The following NAV2 variants were observed in gnomAD, a reference collection of about 807,000 sequenced individuals.
NAV2 encodes the protein neuron navigator 2, also known as helicase, APC down-regulated 1.
In NAV2, 54 loss-of-function variants were observed where a neutral mutation model predicts 223.2. The observed-to-expected ratio is 0.24, with a 90% CI of 0.19 to 0.30. The LOEUF (loss-of-function observed/expected upper bound fraction) is 0.30. Among genes scored for constraint, NAV2 ranks in the 10% least tolerant of loss-of-function variants. NAV2 has a pLI of 1.00. For synonymous variants in NAV2, 1,279 were observed against 1,239.3 expected (o/e 1.03, Z -0.67); for missense variants, 2,806 against 3,147.5 (o/e 0.89, Z 2.60).
chr11:19,997,327 G>A (rs577948408), intron 11 of NAV2, among the ~76,000 whole-genome samples: 1 of 152,284 alleles, frequency 6.6e-6, no homozygotes, highest in African/African-American at 2.4e-5. Context: ...TTGTGGAAGA[G>A]TTTTGTGGAG....
intron 6 of NAV2, among the ~76,000 whole-genome samples, chr11:19,901,944 C>T (rs2042478266): frequency 6.6e-6 from 1 of 152,108 alleles, no homozygotes; most frequent in African/African-American, 2.4e-5. Context: ...AATAGGGAAG[C>T]AGAGGGAATA....
chr11:19,568,590 C>T (rs2045336547), intron 1 of NAV2, among the ~76,000 whole-genome samples: 1 of 152,220 alleles, frequency 6.6e-6, no homozygotes, highest in Middle Eastern at 3.2e-3. Flanking sequence ...GTGTCAGACC[C>T]TGCTAAGCAC....
At chr11:19,907,528 G>GAC (rs869266481) in intron 6 of NAV2, among the ~76,000 whole-genome samples, 15 of 25,600 alleles carry the variant, frequency 5.9e-4, no homozygotes, top group African/African-American at 1.4e-3. Flanking sequence ...CACTCATAGG[G>GAC]GGAGGGGGAA....
Position 20,100,917 on chromosome 11 carries a change from C to T in NAV2, c.6182-20C>T, listed in dbSNP as rs759560344. The stretch of plus-strand genomic sequence containing the variant: ...CTTTTCTACAGGGCTTCAGATGATT[C>T]CTGTCTCTCTCAAATGCAGGGCTCG... On this transcript the variant is annotated intron_variant, in intron 31 of 37. Transcript: ENST00000349880. 3 of 1,606,576 alleles carry T rather than the reference C, an allele frequency of 1.9e-6. No individual in the cohort carries two copies. The highest frequency in any genetic ancestry group is 1.7e-6 in the Non-Finnish European group (2 of 1,173,286).
At chr11:19,870,712 G>T (rs1190117328) in intron 4 of NAV2, among the ~76,000 whole-genome samples, 2 of 152,220 alleles carry the variant, frequency 1.3e-5, no homozygotes, top group African/African-American at 4.8e-5. Flanking sequence ...CACAACTAAA[G>T]TTGGAGTTTA....
At chr11:19,541,445 G>A (rs556202130) in intron 1 of NAV2, among the ~76,000 whole-genome samples, 11 of 152,356 alleles carry the variant, frequency 7.2e-5, no homozygotes, top group East Asian at 3.9e-4. Flanking sequence ...AGATGAAGGC[G>A]TTGGGCCATG....
At chr11:19,842,576 C>T (rs2060568629) in intron 2 of NAV2, among the ~76,000 whole-genome samples, 1 of 152,110 alleles carries the variant, frequency 6.6e-6, no homozygotes, top group Admixed American at 6.5e-5. Context: ...ACAGCTAGCT[C>T]ACTCTCTTTC....
At chr11:19,848,379 C>T (rs1185838525) in intron 3 of NAV2, among the ~76,000 whole-genome samples, 4 of 152,280 alleles carry the variant, frequency 2.6e-5, no homozygotes, top group Admixed American at 6.5e-5. Context: ...GGAGATGCAG[C>T]GGGATGTAGC....
intron 8 of NAV2, among the ~76,000 whole-genome samples, chr11:19,946,069 C>A (rs1280167514): frequency 6.6e-6 from 1 of 152,174 alleles, no homozygotes; most frequent in African/African-American, 2.4e-5. Flanking sequence ...AAAATGACTA[C>A]CTGGTTGGAC....
intron 1 of NAV2, among the ~76,000 whole-genome samples, chr11:19,433,404 G>T (rs1200620603): frequency 6.6e-6 from 1 of 152,168 alleles, no homozygotes. Context: ...AGCCCAAGGT[G>T]CCCCGCAAGC....
chr11:19,580,621 G>T (rs2045689124), intron 1 of NAV2, among the ~76,000 whole-genome samples: 1 of 152,174 alleles, frequency 6.6e-6, no homozygotes. Flanking sequence ...AACCATAGCA[G>T]CTACCATTTA....
At chr11:19,513,959 C>T (rs917567685) in intron 1 of NAV2, among the ~76,000 whole-genome samples, 2 of 152,160 alleles carry the variant, frequency 1.3e-5, no homozygotes, top group Non-Finnish European at 2.9e-5. Context: ...GGGAGCATGG[C>T]GCTGCTCACA....
chr11:19,935,186 A>G (rs2045738129), intron 7 of NAV2, among the ~76,000 whole-genome samples: 1 of 152,190 alleles, frequency 6.6e-6, no homozygotes, highest in South Asian at 2.1e-4. Context: ...GCCTGATTCG[A>G]TCCTGTGCTG....
At chr11:19,728,769 T>C (rs747921934) in intron 1 of NAV2, among the ~76,000 whole-genome samples, 9 of 152,226 alleles carry the variant, frequency 5.9e-5, no homozygotes, top group Non-Finnish European at 1.2e-4. Flanking sequence ...TGTACTGTTA[T>C]ATATGGATAG....
At chr11:20,006,536 G>T (rs897957892) in intron 11 of NAV2, among the ~76,000 whole-genome samples, 2 of 152,108 alleles carry the variant, frequency 1.3e-5, no homozygotes, top group Non-Finnish European at 2.9e-5. Context: ...TTAGCCAGGT[G>T]TGGTGGCAGG....
intron 1 of NAV2, among the ~76,000 whole-genome samples, chr11:19,394,923 G>C (rs1179829033): frequency 6.6e-6 from 1 of 152,192 alleles, no homozygotes; most frequent in Non-Finnish European, 1.5e-5. Flanking sequence ...CAGTGTGTGT[G>C]GTTAACCAGT....
intron 1 of NAV2, among the ~76,000 whole-genome samples, chr11:19,804,261 A>C (rs933715446): frequency 7.2e-5 from 11 of 152,202 alleles, no homozygotes; most frequent in African/African-American, 2.2e-4. Context: ...CAACGTCACC[A>C]AACGTATGTC....
upstream of NAV2, chr11:19,712,266 A>G (rs1361981637): frequency 6.6e-6 from 1 of 152,266 alleles, no homozygotes; most frequent in African/African-American, 2.4e-5. Flanking sequence ...TTCCCTGCGT[A>G]TTGTATTTGC....
chr11:19,749,588 C>G (rs2152493404), intron 1 of NAV2, among the ~76,000 whole-genome samples: 1 of 152,188 alleles, frequency 6.6e-6, no homozygotes, highest in Non-Finnish European at 1.5e-5. Context: ...ATATCTGACC[C>G]AAAAATGTTA....
Sources: gnomAD v4.1 joint callset for allele counts (sites outside exome capture counted in the v4.1 genomes callset) on GRCh38, gnomAD v4.1.1 for gene constraint, MANE v1.5 for transcripts, NCBI Gene and HGNC (gene_info 2026-07-23, HGNC 2026-07-21) for gene names.